GAB4: variants seen among roughly 807,000 people sequenced by gnomAD.
The protein encoded by GAB4 is GRB2-associated-binding protein 4.
In GAB4, 26 loss-of-function variants were observed where a neutral mutation model predicts 51.3. The ratio of observed to expected loss-of-function variants is 0.51; its 90% CI spans 0.37 to 0.70. The LOEUF (loss-of-function observed/expected upper bound fraction) is 0.70, where lower values mean the gene tolerates loss of function less well. Ranked by LOEUF, GAB4 falls within the 30% of genes least tolerant of loss-of-function variation. The pLI, the probability that GAB4 is intolerant of heterozygous loss-of-function variation, is 0.00. For synonymous variants in GAB4, 329 were observed against 291.2 expected (o/e 1.13, Z -1.32); for missense variants, 759 against 734.6 (o/e 1.03, Z -0.38).
chr22:17,002,608 T>G (rs1016991617), intron 1 of GAB4, among the ~76,000 whole-genome samples: 1 of 151,292 alleles, frequency 6.6e-6, no homozygotes, highest in African/African-American at 2.4e-5. Context: ...ATGTTCTCAC[T>G]CATAGGTGGG....
intron 1 of GAB4, among the ~76,000 whole-genome samples, chr22:17,001,457 G>C (rs1026649939): frequency 6.6e-6 from 1 of 152,162 alleles, no homozygotes; most frequent in African/African-American, 2.4e-5. Flanking sequence ...CATGTGTCAT[G>C]TAGTTCTCGT....
chr22:16,988,278 T>A lies in GAB4; in HGVS notation c.479-111A>T. On this transcript the variant is annotated intron_variant, in intron 2 of 9. Coordinates refer to ENST00000400588, the MANE Select transcript of GAB4 (RefSeq NM_001037814.1). ...CAGCACCAGCACTCTTCCTCTCACA[T>A]GCCTGCCTCCTCTGTCCTCCCAGAG... The A allele has an allele frequency of 1.2e-5, 9 of 750,676 alleles. 1 individual carries two copies. The South Asian group carries it at 1.4e-4, about 11-fold the overall frequency. 46.5% of individuals were successfully genotyped at this position (750,676 alleles called of 1,614,324 possible).
In GAB4 at chr22:16,963,839, CAAG is replaced by C; in HGVS notation, c.1477-13_1477-11del. ...ATGCAGATGCCGGGTTCTGCTGTCACAAGGAGGAAAATCCTGCAAATGAGTTCA... is the reference window on the plus strand; with the variant it reads ...ATGCAGATGCCGGGTTCTGCTGTCACGAGGAAAATCCTGCAAATGAGTTCA... On this transcript the variant is annotated splice_polypyrimidine_tract_variant and intron_variant, in intron 8 of 9. Transcript: ENST00000400588. 6.2e-7 allele frequency: 1 copy of C among 1,610,760 alleles called. No individual in the cohort carries two copies. The highest frequency in any genetic ancestry group is 8.5e-7 in the Non-Finnish European group (1 of 1,177,366).
intron 4 of GAB4, 129 bp downstream of exon 4, chr22:16,969,814 T>C: frequency 1.7e-6 from 2 of 1,161,474 alleles, no homozygotes; most frequent in Non-Finnish European, 2.5e-6. Context: ...TAGAGGTTCT[T>C]GTCTAACGTG....
In GAB4 at chr22:16,962,551, T is replaced by G. The variant is rs1601240709; in HGVS notation, c.*182A>C. The G allele has an allele frequency of 2.2e-6, 1 of 453,762 alleles. No homozygotes were observed. Among genetic ancestry groups the G allele is most frequent in the Non-Finnish European group, 3.8e-6 (1 of 263,476 alleles). 28.1% of individuals were successfully genotyped at this position (453,762 alleles called of 1,614,324 possible). A position where few individuals can be genotyped will look rare whatever the true frequency, so the allele number is the denominator to read the frequency against. ...CTGGCAACTGCTCCTAGCAAGGGGG[T>G]GAAGGTGGGGACCATGGCCAGCCAA... On this transcript the variant is annotated 3_prime_UTR_variant, in exon 10 of 10. Coordinates refer to ENST00000400588, the MANE Select transcript of GAB4 (RefSeq NM_001037814.1).
At chr22:16,967,753 C>A (rs1472147908) in intron 5 of GAB4, among the ~76,000 whole-genome samples, 1 of 152,184 alleles carries the variant, frequency 6.6e-6, no homozygotes, top group African/African-American at 2.4e-5. Context: ...TGACGCCAGG[C>A]CTTGTTGCTT....
chr22:16,978,013 C>G (rs529555295), intron 3 of GAB4, among the ~76,000 whole-genome samples: 1 of 152,046 alleles, frequency 6.6e-6, no homozygotes, highest in East Asian at 1.9e-4. Context: ...ACCACAATCT[C>G]TGGGACACAG....
chr22:17,007,306 T>C (rs1220499911), intron 1 of GAB4, among the ~76,000 whole-genome samples: 4 of 152,192 alleles, frequency 2.6e-5, no homozygotes, highest in Admixed American at 2.0e-4. Flanking sequence ...TTCTAAATCG[T>C]TTAACCACAT....
intron 3 of GAB4, among the ~76,000 whole-genome samples, chr22:16,975,136 G>A (rs560420131): frequency 7.2e-5 from 11 of 152,270 alleles, no homozygotes; most frequent in South Asian, 6.2e-4. Flanking sequence ...CCCTAGTGGC[G>A]CCTGGAATGC....
At chr22:16,963,630 A>C (rs2123632827) in intron 9 of GAB4, 95 bp downstream of exon 9, 22 of 829,354 alleles carry the variant, frequency 2.7e-5, no homozygotes, top group South Asian at 7.9e-5. Flanking sequence ...GTGGCAGCCC[A>C]GCAGCCCAGT....
At chr22:16,970,245 C>A in intron 3 of GAB4, 52 bp from the exon 4 acceptor site, 1 of 1,597,994 alleles carries the variant, frequency 6.3e-7, no homozygotes, top group Non-Finnish European at 8.5e-7. Context: ...GCCAGGACTG[C>A]CCCAGGGAGG....
At chr22:16,996,863 C>T (rs2060953793) in intron 1 of GAB4, among the ~76,000 whole-genome samples, 1 of 141,942 alleles carries the variant, frequency 7.0e-6, no homozygotes, top group Non-Finnish European at 1.5e-5. Flanking sequence ...AACCTGTGTC[C>T]AAGTGTTCTC....
Position 16,964,771 on chromosome 22 carries a change from A to G in GAB4, c.1471T>C (p.Phe491Leu). The G allele has an allele frequency of 5.0e-6, 8 of 1,611,506 alleles. No individual in the cohort carries two copies. The highest frequency in any genetic ancestry group is 6.8e-6 in the Non-Finnish European group (8 of 1,177,746). ...DSEDSGERYL[F>L]PNPASAFPVS... ...AGTGACCCCCAAGGACTCACCGGGA[A>G]AAGATACCTCTCTCCACTGTCTTCT... The change falls in exon 8 of 10, where the codon TTC (phenylalanine) becomes CTC (leucine). Residue 491 changes from phenylalanine (F) to leucine (L), a missense_variant. This residue lies in a region of GAB4 where 588 missense variants were observed against 510.2 expected (regional missense o/e 1.15). Transcript: ENST00000400588.
At chr22:16,998,451 G>C (rs1288770382) in intron 1 of GAB4, among the ~76,000 whole-genome samples, 2 of 152,082 alleles carry the variant, frequency 1.3e-5, no homozygotes, top group Non-Finnish European at 2.9e-5. Context: ...CTGTTTGTCT[G>C]TTATTGGTGT....
intron 2 of GAB4, 28 bp from the exon 3 acceptor site, chr22:16,988,195 T>C (rs755535854): frequency 1.3e-6 from 2 of 1,534,670 alleles, no homozygotes; most frequent in Admixed American, 1.7e-5. Flanking sequence ...AGGAAGGGCA[T>C]CCTTGTCCTA....
intron 3 of GAB4, among the ~76,000 whole-genome samples, chr22:16,977,916 T>C (rs753479177): frequency 3.3e-5 from 5 of 152,134 alleles, no homozygotes; most frequent in Non-Finnish European, 5.9e-5. Context: ...GAACAACCTG[T>C]TCCTGAATTT....
At chr22:16,982,823 GGAA>G (rs2060837637) in intron 3 of GAB4, among the ~76,000 whole-genome samples, 1 of 152,164 alleles carries the variant, frequency 6.6e-6, no homozygotes, top group African/African-American at 2.4e-5. Flanking sequence ...AAAGAGTCTC[GGAA>G]CATGTCCAGG....
intron 1 of GAB4, among the ~76,000 whole-genome samples, chr22:17,006,734 T>C (rs2061042997): frequency 1.3e-5 from 2 of 152,192 alleles, no homozygotes; most frequent in South Asian, 4.1e-4. Flanking sequence ...GAAATCATCA[T>C]TCTCAGCAAA....
At chr22:16,966,465 T>C (rs1190142947) in intron 5 of GAB4, 101 bp from the exon 6 acceptor site, 6 of 1,244,178 alleles carry the variant, frequency 4.8e-6, no homozygotes, top group Admixed American at 5.1e-5. Flanking sequence ...ACGGGGTGTT[T>C]TGAACGAAAC....
Sources: allele counts gnomAD v4.1 joint callset (sites outside exome capture counted in the v4.1 genomes callset), GRCh38; gene constraint gnomAD v4.1.1; regional missense constraint gnomAD v4.1.1; transcripts MANE v1.5; gene names NCBI Gene and HGNC (gene_info 2026-07-23, HGNC 2026-07-21).